Variants in SPHKAP observed in about 807,000 individuals in gnomAD.
SPHKAP encodes A-kinase anchor protein SPHKAP.
In SPHKAP, 67 loss-of-function variants were observed where a neutral mutation model predicts 137.5. The ratio of observed to expected loss-of-function variants is 0.49; its 90% CI spans 0.40 to 0.60. The LOEUF is 0.60. SPHKAP is among the 20% of genes least tolerant of loss of function. SPHKAP has a pLI of 0.00. For synonymous variants in SPHKAP, 813 were observed against 785.3 expected, an observed-to-expected ratio of 1.04 and a Z score of -0.59; for missense variants, 2,097 against 2,069.3, an observed-to-expected ratio of 1.01 and a Z score of -0.26.
chr2:228,002,414 G>A (rs74455375), intron 7 of SPHKAP, among the ~76,000 whole-genome samples: 79,894 of 151,872 alleles, frequency 0.53, 21,344 homozygotes, highest in South Asian at 0.67. Flanking sequence ...TTTTGATGAG[G>A]TTGTTTTTTT....
intron 3 of SPHKAP, among the ~76,000 whole-genome samples, chr2:228,032,804 ATACTT>A (rs1297726622): frequency 1.3e-5 from 2 of 152,196 alleles, no homozygotes; most frequent in South Asian, 2.1e-4. Flanking sequence ...GAGAAATAAA[ATACTT>A]TACAGACAAG....
chr2:228,158,729 G>A (rs1700184118), intron 1 of SPHKAP, among the ~76,000 whole-genome samples: 1 of 152,122 alleles, frequency 6.6e-6, no homozygotes. Flanking sequence ...CCAATGGCAT[G>A]TTGGATGTCT....
Position 228,039,648 on chromosome 2 carries a change from A to G in SPHKAP, c.247-12105T>C, listed in dbSNP as rs1370924950. On this transcript the variant is annotated intron_variant, in intron 3 of 11. Transcript: ENST00000392056. ...ATGAAAATCTAGTATTCAATACAAA[A>G]CACAGTCATTTTTAAGTGAATTGTA... Among the ~76,000 whole-genome samples the G allele has an allele frequency of 2.0e-5, 3 of 152,202 alleles. No homozygotes were observed. In the South Asian group the frequency reaches 6.2e-4, roughly 31 times the overall value.
rs1695006121 is a variant in SPHKAP, at chr2:228,025,672, T to G, written c.307-144A>C. 3 of 1,097,942 alleles carry G rather than the reference T, an allele frequency of 2.7e-6. No individual in the cohort carries two copies. The East Asian group carries it at 8.6e-5, about 31-fold the overall frequency. 68.0% of individuals were successfully genotyped at this position (1,097,942 alleles called of 1,614,324 possible). A position where few individuals can be genotyped will look rare whatever the true frequency, so the allele number is the denominator to read the frequency against. On this transcript the variant is annotated intron_variant, in intron 4 of 11. Transcript: ENST00000392056. The stretch of plus-strand genomic sequence containing the variant: ...TACCAAGATTCTTACTAGAAGAAAT[T>G]TTATAAAATGGAAGCATGCAAGTTT...
chr2:227,997,181 G>A (rs1413655666), intron 7 of SPHKAP, among the ~76,000 whole-genome samples: 1 of 152,202 alleles, frequency 6.6e-6, no homozygotes, highest in Non-Finnish European at 1.5e-5. Context: ...TCTATCCGTT[G>A]TGGGCTCCCC....
intron 3 of SPHKAP, among the ~76,000 whole-genome samples, chr2:228,049,346 AT>A (rs1354151666): frequency 7.9e-5 from 12 of 152,348 alleles, no homozygotes; most frequent in African/African-American, 2.6e-4. Context: ...TTAATGAAAA[AT>A]ATCTGCCTTC....
intron 3 of SPHKAP, among the ~76,000 whole-genome samples, chr2:228,099,779 T>TTG (rs1180297979): frequency 5.3e-5 from 8 of 151,640 alleles, no homozygotes; most frequent in Admixed American, 6.6e-5. Flanking sequence ...GTGTGTGTGT[T>TTG]TGTGTGTGTG....
At chr2:228,155,587 C>A (rs1460215358) in intron 1 of SPHKAP, among the ~76,000 whole-genome samples, 3 of 152,128 alleles carry the variant, frequency 2.0e-5, no homozygotes, top group Admixed American at 6.5e-5. Flanking sequence ...CGAGGCTGAG[C>A]AGATGAGGAG....
intron 2 of SPHKAP, among the ~76,000 whole-genome samples, chr2:228,113,231 A>C (rs1280485186): frequency 1.3e-5 from 2 of 152,098 alleles, no homozygotes; most frequent in Non-Finnish European, 2.9e-5. Flanking sequence ...TTCATTATTA[A>C]ATATTTATAT....
chr2:228,032,779 G>T (rs549801662), intron 3 of SPHKAP, among the ~76,000 whole-genome samples: 57 of 152,252 alleles, frequency 3.7e-4, no homozygotes, highest in Middle Eastern at 3.4e-3. Flanking sequence ...GCCAAACTAA[G>T]CTTCATAAGT....
intron 3 of SPHKAP, among the ~76,000 whole-genome samples, chr2:228,105,518 G>A (rs1163260234): frequency 6.6e-6 from 1 of 152,174 alleles, no homozygotes; most frequent in African/African-American, 2.4e-5. Flanking sequence ...TTTGATAGGA[G>A]ACTTTAATTA....
In SPHKAP at chr2:227,995,590, C is replaced by A. The variant is rs1196659874; in HGVS notation, c.4553G>T (p.Gly1518Val). The part of the protein sequence containing the change: ...NPPSSSEEST[G>V]SWTQLANEED... The stretch of plus-strand genomic sequence containing the variant: ...CTCATTGGCAAGCTGGGTCCAGCTG[C>A]CTGTGCTCTCCTCGCTGCTGCTTGG... The change falls in exon 8 of 12, where the codon GGC (glycine) becomes GTC (valine). Residue 1518 changes from glycine (G) to valine (V), a missense_variant. Coordinates refer to ENST00000392056, the MANE Select transcript of SPHKAP (RefSeq NM_001142644.2). 1 of 1,614,072 alleles carries A rather than the reference C, an allele frequency of 6.2e-7. No homozygotes were observed. Among genetic ancestry groups the A allele is most frequent in the South Asian group, 1.1e-5 (1 of 91,078 alleles).
chr2:228,125,841 C>A (rs1699059723), intron 2 of SPHKAP, among the ~76,000 whole-genome samples: 1 of 152,016 alleles, frequency 6.6e-6, no homozygotes, highest in Non-Finnish European at 1.5e-5. Flanking sequence ...CTTTGGGAGG[C>A]CGAGGCGGGT....
At position 228,017,839 on chromosome 2, in the gene SPHKAP, C is replaced by T. The variant is rs371431375; in HGVS notation, c.3015G>A (p.Arg1005=). ...HKPPRLSEIK[R]KTDEHPELKE... is the part of the protein sequence containing the mutation. ...TAAGCTCAGGGTGCTCGTCCGTCTT[C>T]CTCTTGATCTCACTGAGCCGGGGAG... is the stretch of plus-strand genomic sequence containing the variant. Residue 1005 remains arginine (R), a synonymous_variant, in exon 7 of 12, where the codon AGG becomes AGA. Coordinates refer to ENST00000392056, the MANE Select transcript of SPHKAP (RefSeq NM_001142644.2). 8 of 1,613,964 alleles carry T rather than the reference C, an allele frequency of 5.0e-6. No individual in the cohort carries two copies. The highest frequency in any genetic ancestry group is 4.0e-5 in the African/African-American group (3 of 74,924).
chr2:228,021,312 A>G (rs1244882513), intron 6 of SPHKAP, among the ~76,000 whole-genome samples: 3 of 152,190 alleles, frequency 2.0e-5, no homozygotes, highest in African/African-American at 7.2e-5. Flanking sequence ...CACAGCCTCA[A>G]TGTGGCAGTG....
intron 3 of SPHKAP, among the ~76,000 whole-genome samples, chr2:228,034,570 A>C (rs1695500955): frequency 6.6e-6 from 1 of 152,208 alleles, no homozygotes; most frequent in Admixed American, 6.5e-5. Context: ...TGACAGAGAT[A>C]CAACCAAAAA....
intron 3 of SPHKAP, among the ~76,000 whole-genome samples, chr2:228,046,291 C>CTGTTTTTTTTTTTTT (rs1696052362): frequency 1.2e-5 from 1 of 82,528 alleles, no homozygotes; most frequent in Non-Finnish European, 2.2e-5. Context: ...TGTTGTTATT[C>CTGTTTTTTTTTTTTT]TTTTTTTTTT....
At chr2:228,167,328 C>A (rs1700449644) in intron 1 of SPHKAP, among the ~76,000 whole-genome samples, 4 of 152,056 alleles carry the variant, frequency 2.6e-5, no homozygotes. Flanking sequence ...GACAGAAATA[C>A]TAATAGTGTA....
intron 3 of SPHKAP, among the ~76,000 whole-genome samples, chr2:228,037,905 A>G (rs1695687009): frequency 6.6e-6 from 1 of 152,200 alleles, no homozygotes; most frequent in African/African-American, 2.4e-5. Flanking sequence ...GATTGCTCTT[A>G]GCAAGTTTTC....
Sources: gnomAD v4.1 joint callset for allele counts (sites outside exome capture counted in the v4.1 genomes callset) on GRCh38, gnomAD v4.1.1 for gene constraint, MANE v1.5 for transcripts, NCBI Gene and HGNC (gene_info 2026-07-23, HGNC 2026-07-21) for gene names.